LINGO1: variants seen among roughly 807,000 people sequenced by gnomAD.
LINGO1 encodes leucine rich repeat and Ig domain containing 1.
LINGO1 carries 11 observed loss-of-function variants against 37.3 expected under a neutral mutation model. The ratio of observed to expected loss-of-function variants is 0.29; its 90% CI spans 0.19 to 0.49. LINGO1 has a LOEUF of 0.49. Ranked by LOEUF, LINGO1 falls within the 20% of genes least tolerant of loss-of-function variation. LINGO1 has a pLI of 0.99. For synonymous variants in LINGO1, 387 were observed against 403.0 expected (o/e 0.96, Z 0.48); for missense variants, 585 against 878.2 (o/e 0.67, Z 4.22).
Position 77,732,752 on chromosome 15 carries a change from G to A in LINGO1, c.-195+2240C>T, listed in dbSNP as rs75511203. 9.1e-3 allele frequency among the ~76,000 whole-genome samples: 1,392 copies of A among 152,346 alleles called. 22 individuals carry two copies. The highest frequency in any genetic ancestry group is 0.032 in the African/African-American group (1,336 of 41,588). On this transcript the variant is annotated intron_variant, in intron 2 of 3. Coordinates refer to the LINGO1 transcript ENST00000561686. Reference sequence around the variant, plus strand: ...CCTGCTCTGCACTCGGACAGATGCCGTTGTTGTAACTGTGGCTCCCGGGTT... The same window carrying A: ...CCTGCTCTGCACTCGGACAGATGCCATTGTTGTAACTGTGGCTCCCGGGTT...
Position 77,653,499 on chromosome 15 carries a change from G to A in LINGO1, c.-13+23590C>T, listed in dbSNP as rs2074805182. Among the ~76,000 whole-genome samples, 5 of 152,212 alleles carry A rather than the reference G, an allele frequency of 3.3e-5. No homozygotes were observed. The South Asian group carries it at 1.0e-3, about 32-fold the overall frequency. On this transcript the variant is annotated intron_variant, in intron 3 of 3. Transcript: ENST00000559893. ...TTGAGTGGAATTGAATTAACTGTTC[G>A]ATTGCAGGAGATGTAATTTGATCTG...
At chr15:77,679,438 T>A (rs1467832658) in intron 2 of LINGO1, among the ~76,000 whole-genome samples, 1 of 152,248 alleles carries the variant, frequency 6.6e-6, no homozygotes, top group Non-Finnish European at 1.5e-5. Flanking sequence ...ATGGTGGTGA[T>A]GACGGTTGTG....
upstream of LINGO1, among the ~76,000 whole-genome samples, chr15:77,639,177 G>C (rs2074451088): frequency 6.6e-6 from 1 of 152,042 alleles, no homozygotes; most frequent in Non-Finnish European, 1.5e-5. Context: ...TGTCTAGATG[G>C]GAGCCTTGTG....
rs1434365770 is a variant in LINGO1 at position 77,615,875 on chromosome 15, C to A, written c.32G>T (p.Gly11Val). The change falls in exon 2 of 2, where the codon GGC (glycine) becomes GTC (valine). Residue 11 changes from glycine (G) to valine (V), a missense_variant. Coordinates refer to ENST00000355300, the MANE Select transcript of LINGO1 (RefSeq NM_032808.7). MQVSKRMLAG[G>V]VRSMPSPLLA... The stretch of plus-strand genomic sequence containing the variant: ...GAGGGGGCTGGGCATGCTCCTCACG[C>A]CCCCCGCCAGCATCCTCTTGCTCAC... 1.4e-6 allele frequency: 2 copies of A among 1,472,210 alleles called. No homozygotes were observed. Among genetic ancestry groups the A allele is most frequent in the East Asian group, 2.4e-5 (1 of 42,146 alleles). The allele number at this position is 1,472,210 out of a possible 1,614,324, so 91.2% of individuals were successfully genotyped here.
intron 1 of LINGO1, among the ~76,000 whole-genome samples, chr15:77,776,464 G>GGCAGGAAGGCAGGAAA (rs2076643414): frequency 7.2e-5 from 8 of 111,582 alleles, no homozygotes; most frequent in South Asian, 3.2e-4. Flanking sequence ...AAGGCAGGAA[G>GGCAGGAAGGCAGGAAA]GCAGGAAGGC....
chr15:77,664,210 G>T (rs998397660), intron 3 of LINGO1, among the ~76,000 whole-genome samples: 2 of 150,258 alleles, frequency 1.3e-5, no homozygotes, highest in African/African-American at 5.0e-5. Context: ...CCTGGCAGGC[G>T]GAGGGGTGGA....
chr15:77,684,143 C>T (rs1032181956), intron 2 of LINGO1, among the ~76,000 whole-genome samples: 6 of 152,226 alleles, frequency 3.9e-5, no homozygotes, highest in Admixed American at 2.6e-4. Context: ...TCCCCAAACA[C>T]TCCCCCACAC....
At chr15:77,637,247 G>A (rs1480588460), upstream of LINGO1, among the ~76,000 whole-genome samples, 1 of 152,344 alleles carries the variant, frequency 6.6e-6, no homozygotes, top group South Asian at 2.1e-4. This position sits in a 1 kb window ranked among gnomAD's most constrained non-coding sequence, Gnocchi z 4.6. Flanking sequence ...GAGATATGCA[G>A]GTTCCCAGGG....
At chr15:77,624,010 G>A (rs951344207) in intron 1 of LINGO1, among the ~76,000 whole-genome samples, 4 of 151,102 alleles carry the variant, frequency 2.6e-5, no homozygotes, top group Non-Finnish European at 4.4e-5. Context: ...TGGCCTTTGT[G>A]TGTGTGGTGT....
At chr15:77,760,062 C>T (rs1265430595) in intron 1 of LINGO1, among the ~76,000 whole-genome samples, 1 of 152,202 alleles carries the variant, frequency 6.6e-6, no homozygotes, top group South Asian at 2.1e-4. Context: ...TCTAAGGAGG[C>T]GGCTTTTTTT....
chr15:77,776,526 A>AAAGCAGGAAGGCAGGAAAGC (rs1567577779), intron 1 of LINGO1, among the ~76,000 whole-genome samples: 1 of 35,754 alleles, frequency 2.8e-5, no homozygotes, highest in African/African-American at 1.0e-4. Context: ...GGAAGGGAGG[A>AAAGCAGGAAGGCAGGAAAGC]AGGGAGGGAG....
At chr15:77,657,174 A>T (rs139352055) in intron 3 of LINGO1, among the ~76,000 whole-genome samples, 1,733 of 152,162 alleles carry the variant, frequency 0.011, 10 homozygotes, top group Non-Finnish European at 0.017. Flanking sequence ...AAGGCTTGAT[A>T]CTCATCCTGC....
intron 2 of LINGO1, among the ~76,000 whole-genome samples, chr15:77,727,746 T>TA (rs1245725098): frequency 1.9e-4 from 28 of 144,958 alleles, no homozygotes; most frequent in East Asian, 9.9e-4. Flanking sequence ...TACCATAATT[T>TA]AAAAAAAAAA....
chr15:77,806,036 C>T (rs1296689157), intron 1 of LINGO1, among the ~76,000 whole-genome samples: 1 of 152,180 alleles, frequency 6.6e-6, no homozygotes, highest in African/African-American at 2.4e-5. Flanking sequence ...GTTCCCTCCA[C>T]CTCTCCTCGG....
chr15:77,627,411 C>T (rs905720846), intron 1 of LINGO1, among the ~76,000 whole-genome samples: 2 of 152,140 alleles, frequency 1.3e-5, no homozygotes, highest in South Asian at 2.1e-4. Flanking sequence ...GAGGGCCTCG[C>T]GGGTCGGGGC....
chr15:77,672,183 A>C (rs1472895989), intron 3 of LINGO1, among the ~76,000 whole-genome samples: 42 of 16,598 alleles, frequency 2.5e-3, no homozygotes, highest in Admixed American at 4.6e-3. Context: ...AGCTCTCCCC[A>C]CCTCCCCTCC....
intron 2 of LINGO1, among the ~76,000 whole-genome samples, chr15:77,719,606 G>C (rs375789310): frequency 6.7e-6 from 1 of 149,846 alleles, no homozygotes; most frequent in Non-Finnish European, 1.5e-5. Flanking sequence ...CCAGAAGCCA[G>C]ATTTTGATAA....
intron 1 of LINGO1, among the ~76,000 whole-genome samples, chr15:77,763,691 C>G (rs1369917368): frequency 6.6e-6 from 1 of 152,152 alleles, no homozygotes; most frequent in Non-Finnish European, 1.5e-5. Context: ...CCAGCTCCCC[C>G]AGGGCTGCAT....
chr15:77,757,315 C>G (rs1340527681), intron 1 of LINGO1, among the ~76,000 whole-genome samples: 1 of 152,230 alleles, frequency 6.6e-6, no homozygotes, highest in Non-Finnish European at 1.5e-5. Flanking sequence ...GCCCCCAGAA[C>G]AAGAGTGGCC....
Sources: gnomAD v4.1 joint callset for allele counts (sites outside exome capture counted in the v4.1 genomes callset) on GRCh38, gnomAD v4.1.1 for gene constraint, Gnocchi (gnomAD v3.1) non-coding constraint, MANE v1.5 for transcripts, NCBI Gene and HGNC (gene_info 2026-07-23, HGNC 2026-07-21) for gene names.